The following SPHKAP variants were observed in gnomAD, a reference collection of about 807,000 sequenced individuals.
The protein encoded by SPHKAP is SPHK1 interactor, AKAP domain containing, also known as A-kinase anchor protein SPHKAP.
SPHKAP carries 67 observed loss-of-function variants against 137.5 expected under a neutral mutation model. The observed-to-expected ratio is 0.49, with a 90% CI of 0.40 to 0.60. The LOEUF (loss-of-function observed/expected upper bound fraction) is 0.60. Among genes scored for constraint, SPHKAP ranks in the 20% least tolerant of loss-of-function variants. SPHKAP has a pLI of 0.00. For missense variants in SPHKAP, 2,097 were observed against 2,069.3 expected, an observed-to-expected ratio of 1.01 and a Z score of -0.26; for synonymous variants, 813 against 785.3, an observed-to-expected ratio of 1.04 and a Z score of -0.59.
chr2:228,128,921 ATT>A (rs753485271), intron 2 of SPHKAP, among the ~76,000 whole-genome samples: 3 of 152,128 alleles, frequency 2.0e-5, no homozygotes, highest in Admixed American at 2.0e-4. Flanking sequence ...TTGTTATTCC[ATT>A]TATAGAACCC....
At chr2:228,081,600 A>G (rs543010348) in intron 3 of SPHKAP, among the ~76,000 whole-genome samples, 1 of 152,322 alleles carries the variant, frequency 6.6e-6, no homozygotes, top group East Asian at 1.9e-4. Flanking sequence ...TACTTAATGG[A>G]ATACTACTCA....
At chr2:228,149,171 T>C (rs942567015) in intron 1 of SPHKAP, among the ~76,000 whole-genome samples, 4 of 152,194 alleles carry the variant, frequency 2.6e-5, no homozygotes, top group Non-Finnish European at 4.4e-5. Flanking sequence ...CCACATAATT[T>C]ATGAACATTT....
chr2:228,039,417 T>G (rs1281893691), intron 3 of SPHKAP, among the ~76,000 whole-genome samples: 1 of 149,114 alleles, frequency 6.7e-6, no homozygotes, highest in Non-Finnish European at 1.5e-5. Context: ...CAATAAAATT[T>G]GAATGTCTAT....
At chr2:227,995,820 G>A in intron 7 of SPHKAP, 126 bp from the exon 8 acceptor site, 1 of 1,283,780 alleles carries the variant, frequency 7.8e-7, no homozygotes, top group Non-Finnish European at 1.0e-6. Context: ...AGTCTCCCTG[G>A]GCTGATCCTT....
At chr2:228,030,511 C>A (rs1695250537) in intron 3 of SPHKAP, among the ~76,000 whole-genome samples, 1 of 49,698 alleles carries the variant, frequency 2.0e-5, no homozygotes, top group Non-Finnish European at 3.5e-5. Flanking sequence ...AAGATACCAT[C>A]TCAAAAAAAA....
chr2:228,076,002 G>C (rs1027637973), intron 3 of SPHKAP, among the ~76,000 whole-genome samples: 4 of 152,158 alleles, frequency 2.6e-5, no homozygotes, highest in African/African-American at 7.2e-5. Flanking sequence ...GGAGGTGATT[G>C]AATTATGGGG....
At chr2:228,144,513 A>G (rs1270463372) in intron 1 of SPHKAP, among the ~76,000 whole-genome samples, 1 of 152,094 alleles carries the variant, frequency 6.6e-6, no homozygotes, top group Non-Finnish European at 1.5e-5. Context: ...TCTTTGGATA[A>G]TGTAGCTATT....
At chr2:228,114,808 A>G (rs994673725) in intron 2 of SPHKAP, among the ~76,000 whole-genome samples, 1 of 152,148 alleles carries the variant, frequency 6.6e-6, no homozygotes, top group Non-Finnish European at 1.5e-5. Context: ...CCTTCAGTCA[A>G]TATCAGTCAA....
chr2:228,126,376 A>C (rs1252036930), intron 2 of SPHKAP, among the ~76,000 whole-genome samples: 1 of 152,130 alleles, frequency 6.6e-6, no homozygotes, highest in Non-Finnish European at 1.5e-5. Context: ...CTTTGTAATA[A>C]GTAGAATTCT....
At position 228,016,934 on chromosome 2, in the gene SPHKAP, T is replaced by C. The variant is rs1694624833; in HGVS notation, c.3920A>G (p.His1307Arg). The C allele has an allele frequency of 2.5e-6, 4 of 1,614,028 alleles. No homozygotes were observed. The highest frequency in any genetic ancestry group is 1.7e-5 in the Admixed American group (1 of 59,994). ...CTCAATGGAGCTAGCCCACGTTTCATGAATTAACATGTTGGTGATGTGGTC... is the reference window on the plus strand; with the variant it reads ...CTCAATGGAGCTAGCCCACGTTTCACGAATTAACATGTTGGTGATGTGGTC... ...GTDHITNMLIHETWASSIEAL... is the reference protein window; with the variant it reads ...GTDHITNMLIRETWASSIEAL... Residue 1307 changes from histidine (H) to arginine (R), a missense_variant, in exon 7 of 12, where the codon CAT (histidine) becomes CGT (arginine). Coordinates refer to ENST00000392056, the MANE Select transcript of SPHKAP (RefSeq NM_001142644.2).
chr2:228,015,200 T>G (rs1694530439), intron 7 of SPHKAP, among the ~76,000 whole-genome samples: 1 of 151,884 alleles, frequency 6.6e-6, no homozygotes, highest in South Asian at 2.1e-4. Context: ...GATAGTTTAC[T>G]GAGAATGATG....
chr2:228,157,874 TAAAAG>T (rs1263686682), intron 1 of SPHKAP, among the ~76,000 whole-genome samples: 1 of 151,930 alleles, frequency 6.6e-6, no homozygotes, highest in Non-Finnish European at 1.5e-5. Context: ...TTATGAGTCT[TAAAAG>T]AAAAAAAAAT....
chr2:227,985,689 A>G (rs1459808128), intron 11 of SPHKAP, among the ~76,000 whole-genome samples: 1 of 152,246 alleles, frequency 6.6e-6, no homozygotes, highest in East Asian at 1.9e-4. Context: ...ATATGATGGT[A>G]TATCATCTGT....
At chr2:228,085,043 A>G (rs73096698) in intron 3 of SPHKAP, among the ~76,000 whole-genome samples, 3,519 of 152,340 alleles carry the variant, frequency 0.023, 130 homozygotes, top group African/African-American at 0.079. Context: ...CTGAGTTAAC[A>G]GAACACCATG....
intron 1 of SPHKAP, chr2:228,132,388 G>A (rs1394441439): frequency 8.9e-6 from 2 of 225,550 alleles, no homozygotes; most frequent in East Asian, 1.8e-4. Flanking sequence ...TCTTAAGCAA[G>A]CAGCTTTAAA....
chr2:228,105,201 T>G (rs1025598943), intron 3 of SPHKAP, among the ~76,000 whole-genome samples: 23 of 152,256 alleles, frequency 1.5e-4, no homozygotes, highest in Middle Eastern at 3.4e-3. Context: ...ACTCTTGCCT[T>G]AAGAAATTCT....
chr2:228,088,574 T>C (rs1419318286), intron 3 of SPHKAP, among the ~76,000 whole-genome samples: 1 of 152,218 alleles, frequency 6.6e-6, no homozygotes, highest in African/African-American at 2.4e-5. Flanking sequence ...AGTTTGGATG[T>C]TTATCCTCTC....
intron 11 of SPHKAP, among the ~76,000 whole-genome samples, chr2:227,988,115 T>C (rs1287255911): frequency 6.6e-6 from 1 of 152,056 alleles, no homozygotes; most frequent in Non-Finnish European, 1.5e-5. Context: ...TTCAATAACA[T>C]CCAGAATAAG....
chr2:228,023,186 T>C (rs1049861109), intron 5 of SPHKAP, among the ~76,000 whole-genome samples: 32 of 152,198 alleles, frequency 2.1e-4, no homozygotes, highest in Non-Finnish European at 3.7e-4. Context: ...GGAGAGATGA[T>C]TATAAAATGA....
Sources: gnomAD v4.1 joint callset for allele counts (sites outside exome capture counted in the v4.1 genomes callset) on GRCh38, gnomAD v4.1.1 for gene constraint, MANE v1.5 for transcripts, NCBI Gene and HGNC (gene_info 2026-07-23, HGNC 2026-07-21) for gene names.